The following HMCN2 variants were observed in gnomAD, a reference collection of about 807,000 sequenced individuals.
HMCN2 encodes hemicentin 2, also known as hemicentin-2.
HMCN2 carries 325 observed loss-of-function variants against 377.5 expected under a neutral mutation model. That is an observed-to-expected ratio of 0.86 (90% CI 0.79 to 0.94). The LOEUF is 0.94. Ranked by LOEUF, HMCN2 falls within the 40% of genes least tolerant of loss-of-function variation. The pLI is 0.00. For missense variants in HMCN2, 4,543 were observed against 4,725.3 expected, an observed-to-expected ratio of 0.96 and a Z score of 1.13; for synonymous variants, 2,007 against 2,046.8, an observed-to-expected ratio of 0.98 and a Z score of 0.53.
Position 130,407,699 on chromosome 9 carries a change from G to T in HMCN2, c.12682G>T (p.Val4228Leu), listed in dbSNP as rs558647427. The T allele has an allele frequency of 1.7e-5, 21 of 1,245,576 alleles. No homozygotes were observed. The highest frequency in any genetic ancestry group is 2.2e-5 in the Non-Finnish European group (21 of 962,374). 77.2% of individuals were successfully genotyped at this position (1,245,576 alleles called of 1,614,324 possible). Residue 4228 changes from valine to leucine, a missense_variant, in exon 83 of 98, where the codon GTG (valine) becomes TTG (leucine). Physicochemically the swap from Val to Leu is conservative, Grantham distance 32. Coordinates refer to ENST00000683500, the MANE Select transcript of HMCN2 (RefSeq NM_001291815.2). ...CACGCAGGCGGTCAGCTTCGTCCAC[G>T]TGAAGGGTAGGGCACATTCCCCAGG... Reference protein sequence around the residue: ...GRTQAVSFVHVKEAPVLQGEA... With the variant: ...GRTQAVSFVHLKEAPVLQGEA...
chr9:130,328,065 G>A (rs976797865), intron 22 of HMCN2, among the ~76,000 whole-genome samples: 2 of 152,326 alleles, frequency 1.3e-5, no homozygotes, highest in East Asian at 1.9e-4. Context: ...GCTCAGTCTG[G>A]TGACATCAGC....
Position 130,428,542 on chromosome 9 carries a change from G to T in HMCN2, c.14197+53G>T. On this transcript the variant is annotated intron_variant, in intron 93 of 97. Coordinates refer to ENST00000683500, the MANE Select transcript of HMCN2 (RefSeq NM_001291815.2). The surrounding 1 kb of genome is among the most constrained non-coding windows in gnomAD (Gnocchi z 5.0). Reference sequence around the variant, plus strand: ...CCATACTCCTGGAAACCCAGAGGTTGCCAGGGATCAGCTGACAGGGGGCTG... The same window carrying T: ...CCATACTCCTGGAAACCCAGAGGTTTCCAGGGATCAGCTGACAGGGGGCTG... 2.0e-6 allele frequency: 3 copies of T among 1,529,402 alleles called. No individual in the cohort carries two copies. Among genetic ancestry groups the T allele is most frequent in the South Asian group, 1.2e-5 (1 of 83,500 alleles). 94.7% of individuals were successfully genotyped at this position (1,529,402 alleles called of 1,614,324 possible). A position where few individuals can be genotyped will look rare whatever the true frequency, so the allele number is the denominator to read the frequency against.
chr9:130,304,681 C>T lies in HMCN2; in HGVS notation c.1544-49C>T, dbSNP rs1554935871. 2.3e-6 allele frequency: 1 copy of T among 427,374 alleles called. No individual in the cohort carries two copies. Among genetic ancestry groups the T allele is most frequent in the Non-Finnish European group, 4.9e-6 (1 of 202,952 alleles). 26.5% of individuals were successfully genotyped at this position (427,374 alleles called of 1,614,324 possible). ...AGCACCAGGGCTTGCACGATGACCCCCTCCCTTGCCTCAGCTCCTTGGTTC... is the reference window on the plus strand; with the variant it reads ...AGCACCAGGGCTTGCACGATGACCCTCTCCCTTGCCTCAGCTCCTTGGTTC... On this transcript the variant is annotated intron_variant, in intron 10 of 97. Transcript: ENST00000683500. The surrounding 1 kb of genome is among the most constrained non-coding windows in gnomAD (Gnocchi z 4.3).
intron 86 of HMCN2, 144 bp downstream of exon 86, chr9:130,419,185 AC>A: frequency 1.3e-6 from 1 of 757,776 alleles, no homozygotes. Context: ...CCCAGAATGA[AC>A]CCCTACCCTG....
At position 130,356,151 on chromosome 9, in the gene HMCN2, C is replaced by G. The variant is rs953382765; in HGVS notation, c.5319C>G (p.Thr1773=). 5 of 1,302,626 alleles carry G rather than the reference C, an allele frequency of 3.8e-6. No individual in the cohort carries two copies. In the African/African-American group the frequency reaches 7.6e-5, roughly 20 times the overall value. 80.7% of individuals were successfully genotyped at this position (1,302,626 alleles called of 1,614,324 possible). Residue 1773 remains threonine (T), a synonymous_variant, in exon 34 of 98, where the codon ACC becomes ACG. Transcript: ENST00000683500. The part of the protein sequence containing the change: ...LAGVQVASQG[T]TLHIDHVELD... ...GGGTGCAGGTGGCCTCGCAGGGGAC[C>G]ACACTGCACATTGACCATGTGGAGC... is the stretch of plus-strand genomic sequence containing the variant.
At chr9:130,344,824 TTGGTGTGTG>T (rs1839257517) in intron 25 of HMCN2, among the ~76,000 whole-genome samples, 1 of 148,428 alleles carries the variant, frequency 6.7e-6, no homozygotes, top group African/African-American at 2.5e-5. Flanking sequence ...TATGTGGTGT[TTGGTGTGTG>T]TGGTGTGTGT....
In HMCN2 at chr9:130,394,023, C is replaced by T. The variant is rs1842473358; in HGVS notation, c.10501+15C>T. On this transcript the variant is annotated intron_variant, in intron 68 of 97. Transcript: ENST00000683500. The surrounding 1 kb of genome is among the most constrained non-coding windows in gnomAD (Gnocchi z 5.1). The stretch of plus-strand genomic sequence containing the variant: ...GACCGTCATGGGTGGGTCCTCTGGC[C>T]TCTGGCCAGCTTCTCTGGGCTCGGG... 2 of 1,221,416 alleles carry T rather than the reference C, an allele frequency of 1.6e-6. No homozygotes were observed. Among genetic ancestry groups the T allele is most frequent in the Admixed American group, 3.0e-5 (1 of 33,146 alleles). 75.7% of individuals were successfully genotyped at this position (1,221,416 alleles called of 1,614,324 possible).
In HMCN2 at chr9:130,433,763, C is replaced by A; in HGVS notation, c.*70C>A. 1 of 1,234,522 alleles carries A rather than the reference C, an allele frequency of 8.1e-7. No individual in the cohort carries two copies. The highest frequency in any genetic ancestry group is 1.1e-6 in the Non-Finnish European group (1 of 930,658). The allele number at this position is 1,234,522 out of a possible 1,614,324, so 76.5% of individuals were successfully genotyped here. A position where few individuals can be genotyped will look rare whatever the true frequency, so the allele number is the denominator to read the frequency against. On this transcript the variant is annotated 3_prime_UTR_variant, in exon 98 of 98. Transcript: ENST00000683500. ...AGGGGTCGAGGAGAAGCTTGGTCCA[C>A]GCCACCTGCTGTGGCAAGCGGAGCG...
At position 130,356,214 on chromosome 9, in the gene HMCN2, T is replaced by G. The variant is rs1840018072; in HGVS notation, c.5382T>G (p.Asn1794Lys). Residue 1794 changes from asparagine to lysine, a missense_variant, in exon 34 of 98, where the codon AAT (asparagine) becomes AAG (lysine). Asn to Lys is a moderately conservative substitution (Grantham distance 94, BLOSUM62 0). Coordinates refer to ENST00000683500, the MANE Select transcript of HMCN2 (RefSeq NM_001291815.2). ...GCCTCTTCGCCTGCCAGGCCACCAA[T>G]GAGGCGGGCACTGCCGGGGCCGAGG... Reference protein sequence around the residue: ...HSGLFACQATNEAGTAGAEVE... With the variant: ...HSGLFACQATKEAGTAGAEVE... 1 of 1,303,104 alleles carries G rather than the reference T, an allele frequency of 7.7e-7. No homozygotes were observed. The allele number at this position is 1,303,104 out of a possible 1,614,324, so 80.7% of individuals were successfully genotyped here.
chr9:130,386,496 C>T lies in HMCN2; in HGVS notation c.9363C>T (p.Ala3121=), dbSNP rs1393758850. ...AAGTCAGCAACGTGGCTGGGGAGGCCGTGCGGACCTTCACCCTCACCGTCC... is the reference window on the plus strand; with the variant it reads ...AAGTCAGCAACGTGGCTGGGGAGGCTGTGCGGACCTTCACCCTCACCGTCC... ...SCKVSNVAGE[A]VRTFTLTVQV... Residue 3121 remains alanine, a synonymous_variant, in exon 61 of 98, where the codon GCC becomes GCT. Coordinates refer to ENST00000683500, the MANE Select transcript of HMCN2 (RefSeq NM_001291815.2). 3.8e-6 allele frequency: 5 copies of T among 1,303,716 alleles called. No individual in the cohort carries two copies. The highest frequency in any genetic ancestry group is 2.3e-5 in the Admixed American group (1 of 43,562). 80.8% of individuals were successfully genotyped at this position (1,303,716 alleles called of 1,614,324 possible). A position where few individuals can be genotyped will look rare whatever the true frequency, so the allele number is the denominator to read the frequency against.
intron 89 of HMCN2, among the ~76,000 whole-genome samples, chr9:130,425,331 GC>G (rs1271616434): frequency 6.6e-6 from 1 of 152,150 alleles, no homozygotes; most frequent in Non-Finnish European, 1.5e-5. Context: ...GATGCTCTGA[GC>G]CCTGCGACTT....
At chr9:130,295,254 C>T (rs533027640) in intron 5 of HMCN2, among the ~76,000 whole-genome samples, 1 of 152,250 alleles carries the variant, frequency 6.6e-6, no homozygotes, top group South Asian at 2.1e-4. Context: ...ATGGCGGTCC[C>T]TGCATCGTGA....
chr9:130,333,849 C>T (rs1838566981), intron 22 of HMCN2, among the ~76,000 whole-genome samples: 2 of 152,342 alleles, frequency 1.3e-5, no homozygotes, highest in African/African-American at 4.8e-5. Context: ...AGAGCATGCG[C>T]AGGGTCATGA....
chr9:130,366,110 C>A, intron 43 of HMCN2, 115 bp downstream of exon 43: 3 of 784,798 alleles, frequency 3.8e-6, no homozygotes, highest in Non-Finnish European at 4.6e-6. Context: ...GGGTCTTATA[C>A]CTCGAGGGGG....
chr9:130,266,737 A>G (rs1327432099), intron 1 of HMCN2, among the ~76,000 whole-genome samples: 1 of 152,114 alleles, frequency 6.6e-6, no homozygotes, highest in Admixed American at 6.5e-5. Context: ...CGTGGCCTCC[A>G]CCTGCTGTGT....
chr9:130,425,858 A>T lies in HMCN2; in HGVS notation c.13813A>T (p.Ile4605Phe), dbSNP rs577206490. ...GGTGCAGCACCTGCGGGCCTCAGCT[A>T]TCAGCTCGGCCTTTGATCCAGAGGC... ...QLVQHLRASA[I>F]SSAFDPEAEA... Residue 4605 changes from isoleucine (I) to phenylalanine (F), a missense_variant, in exon 90 of 98, where the codon ATC becomes TTC. Ile to Phe is a conservative substitution (Grantham distance 21). Coordinates refer to ENST00000683500, the MANE Select transcript of HMCN2 (RefSeq NM_001291815.2). The T allele has an allele frequency of 6.4e-7, 1 of 1,550,410 alleles. No individual in the cohort carries two copies. The highest frequency in any genetic ancestry group is 1.4e-5 in the African/African-American group (1 of 73,162).
intron 36 of HMCN2, 33 bp downstream of exon 36, chr9:130,358,519 C>T (rs1482571832): frequency 1.5e-6 from 2 of 1,304,118 alleles, no homozygotes; most frequent in African/African-American, 3.0e-5. Flanking sequence ...GGGCCCAGGC[C>T]AGCATGTTGG....
At position 130,365,931 on chromosome 9, in the gene HMCN2, C is replaced by T; in HGVS notation, c.6561C>T (p.His2187=). 2 of 985,766 alleles carry T rather than the reference C, an allele frequency of 2.0e-6. No homozygotes were observed. Among genetic ancestry groups the T allele is most frequent in the Non-Finnish European group, 2.4e-6 (2 of 829,850 alleles). 61.1% of individuals were successfully genotyped at this position (985,766 alleles called of 1,614,324 possible). The part of the protein sequence containing the change: ...ESHTLTVREG[H]PTRLSCECRG... The stretch of plus-strand genomic sequence containing the variant: ...ACACCCTGACTGTGAGAGAGGGGCA[C>T]CCTACCAGGCTGTCCTGCGAATGCC... Residue 2187 remains histidine, a synonymous_variant, in exon 43 of 98, where the codon CAC becomes CAT. Transcript: ENST00000683500.
In HMCN2 at chr9:130,379,873, T is replaced by A. The variant is rs1841610004; in HGVS notation, c.8431+406T>A. On this transcript the variant is annotated intron_variant, in intron 54 of 97. Coordinates refer to ENST00000683500, the MANE Select transcript of HMCN2 (RefSeq NM_001291815.2). Reference sequence around the variant, plus strand: ...TTTGTGTCTGGGTTTTTTTTCTATTTTTTTCTATTTTTATTTTTTGGGACA... The same window carrying A: ...TTTGTGTCTGGGTTTTTTTTCTATTATTTTCTATTTTTATTTTTTGGGACA... 2.0e-5 allele frequency among the ~76,000 whole-genome samples: 3 copies of A among 152,332 alleles called. No individual in the cohort carries two copies. The South Asian group carries it at 6.2e-4, about 32-fold the overall frequency.
Sources: allele counts gnomAD v4.1 joint callset (sites outside exome capture counted in the v4.1 genomes callset), GRCh38; gene constraint gnomAD v4.1.1; non-coding constraint Gnocchi (gnomAD v3.1); transcripts MANE v1.5; gene names NCBI Gene and HGNC (gene_info 2026-07-23, HGNC 2026-07-21).